Variants in WWOX observed in about 807,000 individuals in gnomAD.
WWOX encodes WW domain-containing oxidoreductase.
In WWOX, 69 loss-of-function variants were observed where a neutral mutation model predicts 46.2. The observed-to-expected ratio is 1.49, with a 90% CI of 1.23 to 1.82. The LOEUF is 1.82. Ranked by LOEUF, WWOX falls within the 40% of genes most tolerant of loss-of-function variation. The probability of loss-of-function intolerance (pLI) is 0.00; values close to 1 mark genes in which losing one functional copy is unlikely to be tolerated. For missense variants in WWOX, 919 were observed against 542.6 expected (o/e 1.69, Z -6.89); for synonymous variants, 359 against 202.6 (o/e 1.77, Z -6.56).
At chr16:78,768,764 C>G (rs1216472186) in intron 8 of WWOX, among the ~76,000 whole-genome samples, 1 of 152,086 alleles carries the variant, frequency 6.6e-6, no homozygotes, top group Non-Finnish European at 1.5e-5. Context: ...GCTCATTTCA[C>G]AGCTTGCTGG....
At position 78,741,834 on chromosome 16, in the gene WWOX, G is replaced by T. The variant is rs150302099; in HGVS notation, c.1056+309082G>T. 5.1e-3 allele frequency among the ~76,000 whole-genome samples: 771 copies of T among 152,342 alleles called. 11 individuals carry two copies. The highest frequency in any genetic ancestry group is 4.9e-3 in the Non-Finnish European group (334 of 68,036). On this transcript the variant is annotated intron_variant, in intron 8 of 8. Coordinates refer to ENST00000566780, the MANE Select transcript of WWOX (RefSeq NM_016373.4). ...TGTGCCACTACACTCCAGCCTGGGC[G>T]GCAGAGTGAGACGCTGTCTCAAATA...
intron 8 of WWOX, among the ~76,000 whole-genome samples, chr16:78,816,314 AT>A (rs1243707696): frequency 1.3e-5 from 2 of 151,964 alleles, no homozygotes; most frequent in Non-Finnish European, 2.9e-5. Flanking sequence ...TGTTCACTTC[AT>A]TTTTTCCTGA....
At chr16:79,165,822 C>A (rs946613649) in intron 8 of WWOX, among the ~76,000 whole-genome samples, 1 of 152,168 alleles carries the variant, frequency 6.6e-6, no homozygotes, top group Admixed American at 6.5e-5. Context: ...AAATTACATC[C>A]CTCACTCGGT....
At chr16:78,957,408 C>T (rs1285754163) in intron 8 of WWOX, among the ~76,000 whole-genome samples, 1 of 152,196 alleles carries the variant, frequency 6.6e-6, no homozygotes, top group South Asian at 2.1e-4. Context: ...AAAACACCCA[C>T]AAATGTGAAT....
chr16:78,174,121 T>C lies in WWOX; in HGVS notation c.516+9832T>C, dbSNP rs527458489. On this transcript the variant is annotated intron_variant, in intron 5 of 8. Coordinates refer to ENST00000566780, the MANE Select transcript of WWOX (RefSeq NM_016373.4). Reference sequence around the variant, plus strand: ...CACCATAATAATTTTGGAGGGACACTGTATTAGTCCATTTTCATGCTTCTA... The same window carrying C: ...CACCATAATAATTTTGGAGGGACACCGTATTAGTCCATTTTCATGCTTCTA... Among the ~76,000 whole-genome samples the C allele has an allele frequency of 2.6e-5, 4 of 152,336 alleles. No homozygotes were observed. In the East Asian group the frequency reaches 5.8e-4, roughly 22 times the overall value.
intron 7 of WWOX, among the ~76,000 whole-genome samples, chr16:78,432,207 T>A (rs2083236863): frequency 6.6e-6 from 1 of 151,750 alleles, no homozygotes; most frequent in Non-Finnish European, 1.5e-5. Flanking sequence ...AACCTCTGCC[T>A]CCCATGTTTC....
chr16:78,387,081 G>C (rs2082075985), intron 6 of WWOX, 133 bp downstream of exon 6: 1 of 853,678 alleles, frequency 1.2e-6, no homozygotes, highest in African/African-American at 1.6e-5. Flanking sequence ...ATTTATATTG[G>C]CCCTGTTAAG....
intron 4 of WWOX, among the ~76,000 whole-genome samples, chr16:78,158,793 A>T (rs2034687939): frequency 6.6e-6 from 1 of 152,202 alleles, no homozygotes; most frequent in Admixed American, 6.5e-5. Flanking sequence ...ATAAGTTTGG[A>T]GATAAGTATA....
chr16:78,604,302 T>C (rs1033643599), intron 8 of WWOX, among the ~76,000 whole-genome samples: 4 of 152,160 alleles, frequency 2.6e-5, no homozygotes, highest in African/African-American at 9.7e-5. Context: ...TGGTCTTACA[T>C]CTTGTCCTCT....
At chr16:78,183,785 G>C (rs1350860515) in intron 5 of WWOX, among the ~76,000 whole-genome samples, 1 of 152,124 alleles carries the variant, frequency 6.6e-6, no homozygotes, top group African/African-American at 2.4e-5. Context: ...CGAGGGACTG[G>C]CCTCCTCAGT....
chr16:78,142,487 C>G (rs2034022030), intron 4 of WWOX, among the ~76,000 whole-genome samples: 1 of 152,172 alleles, frequency 6.6e-6, no homozygotes, highest in Non-Finnish European at 1.5e-5. Context: ...AAACACTTGT[C>G]ATTCTCACAG....
At chr16:78,458,551 A>T (rs1316167189) in intron 8 of WWOX, among the ~76,000 whole-genome samples, 1 of 152,134 alleles carries the variant, frequency 6.6e-6, no homozygotes, top group Non-Finnish European at 1.5e-5. Flanking sequence ...ACAAGCCACC[A>T]TGTCAGGCCA....
At chr16:79,193,630 A>G (rs1051625139) in intron 8 of WWOX, among the ~76,000 whole-genome samples, 1 of 152,096 alleles carries the variant, frequency 6.6e-6, no homozygotes, top group African/African-American at 2.4e-5. Flanking sequence ...AAATATTGCA[A>G]ATTGACCCTC....
intron 8 of WWOX, among the ~76,000 whole-genome samples, chr16:78,768,955 A>G (rs914461179): frequency 6.6e-6 from 1 of 152,176 alleles, no homozygotes; most frequent in Non-Finnish European, 1.5e-5. Context: ...TGTTTTGAGC[A>G]TCAGAATAAA....
At chr16:78,615,811 C>T (rs888395321) in intron 8 of WWOX, among the ~76,000 whole-genome samples, 3 of 150,906 alleles carry the variant, frequency 2.0e-5, no homozygotes, top group African/African-American at 7.3e-5. Context: ...AGTGCAGTGG[C>T]ACAGTCTCCG....
intron 5 of WWOX, among the ~76,000 whole-genome samples, chr16:78,195,821 C>CAAAAAAAAAAAAAAAAA (rs148609646): frequency 2.6e-5 from 2 of 76,058 alleles, no homozygotes; most frequent in African/African-American, 5.3e-5. Flanking sequence ...GACTCTGCCT[C>CAAAAAAAAAAAAAAAAA]AAAAAAAAAA....
chr16:78,878,969 A>T (rs1185008327), intron 8 of WWOX, among the ~76,000 whole-genome samples: 1 of 148,270 alleles, frequency 6.7e-6, no homozygotes, highest in African/African-American at 2.5e-5. Context: ...CAGGAGGCTG[A>T]GGTGGGAGGA....
At chr16:79,089,693 T>G (rs2048919186) in intron 8 of WWOX, among the ~76,000 whole-genome samples, 1 of 152,274 alleles carries the variant, frequency 6.6e-6, no homozygotes, top group Admixed American at 6.5e-5. Context: ...ACTAGAGAAA[T>G]GTTTTCCAGT....
intron 8 of WWOX, among the ~76,000 whole-genome samples, chr16:78,674,990 C>T (rs886149682): frequency 6.6e-6 from 1 of 151,896 alleles, no homozygotes; most frequent in Non-Finnish European, 1.5e-5. Flanking sequence ...CCATGCTTAC[C>T]TTGAAGAGTT....
Sources: gnomAD v4.1 joint callset for allele counts (sites outside exome capture counted in the v4.1 genomes callset) on GRCh38, gnomAD v4.1.1 for gene constraint, MANE v1.5 for transcripts, NCBI Gene and HGNC (gene_info 2026-07-23, HGNC 2026-07-21) for gene names.